The following SGCG variants were observed in gnomAD, a reference collection of about 807,000 sequenced individuals.
The protein encoded by SGCG is gamma-sarcoglycan.
In SGCG, 26 loss-of-function variants were observed where a neutral mutation model predicts 29.3. The ratio of observed to expected loss-of-function variants is 0.89; its 90% CI spans 0.65 to 1.23. The LOEUF (loss-of-function observed/expected upper bound fraction) is 1.23, where lower values mean the gene tolerates loss of function less well. SGCG is among the 50% of genes most tolerant of loss of function. SGCG has a pLI of 0.00. For missense variants in SGCG, 353 were observed against 356.0 expected, an observed-to-expected ratio of 0.99 and a Z score of 0.07; for synonymous variants, 145 against 129.7, an observed-to-expected ratio of 1.12 and a Z score of -0.80.
At chr13:23,317,025 T>G (rs370921464) in intron 6 of SGCG, among the ~76,000 whole-genome samples, 1 of 151,846 alleles carries the variant, frequency 6.6e-6, no homozygotes, top group Non-Finnish European at 1.5e-5. Context: ...GCTAACACAG[T>G]GAAAGCTGTC....
chr13:23,252,833 A>G (rs1880027902), intron 4 of SGCG, among the ~76,000 whole-genome samples: 1 of 152,210 alleles, frequency 6.6e-6, no homozygotes, highest in Non-Finnish European at 1.5e-5. Context: ...CTCATTTCAT[A>G]GATGAAAAAA....
At position 23,274,395 on chromosome 13, in the gene SGCG, C is replaced by CT. The variant is rs869153381; in HGVS notation, c.386-4939dup. Among the ~76,000 whole-genome samples, 690 of 85,248 alleles carry CT rather than the reference C, an allele frequency of 8.1e-3. 10 individuals are homozygous for CT. Among genetic ancestry groups the CT allele is most frequent in the East Asian group, 0.019 (50 of 2,612 alleles). The allele number at this position is 85,248 out of a possible 152,430, so 55.9% of individuals were successfully genotyped here. On this transcript the variant is annotated intron_variant, in intron 4 of 7. Transcript: ENST00000218867. ...GGTGTGTTTTTCTTTCTTTCTTTCTCTTTTTTTTTTTTTTTTTTTTTTTTT... is the reference window on the plus strand; with the variant it reads ...GGTGTGTTTTTCTTTCTTTCTTTCTCTTTTTTTTTTTTTTTTTTTTTTTTTT...
At chr13:23,257,554 G>T (rs983281603) in intron 4 of SGCG, among the ~76,000 whole-genome samples, 1 of 152,142 alleles carries the variant, frequency 6.6e-6, no homozygotes, top group Non-Finnish European at 1.5e-5. Flanking sequence ...AGTTTAATTA[G>T]ATCCCTTTTG....
the SGCG span, among the ~76,000 whole-genome samples, chr13:23,163,160 A>G: frequency 4.6e-4 from 70 of 152,306 alleles, no homozygotes; most frequent in Middle Eastern, 6.8e-3. Context: ...TGTTTTCTAT[A>G]CAGGGATCCC....
chr13:23,235,612 T>G (rs1307549018), intron 3 of SGCG, among the ~76,000 whole-genome samples: 2 of 152,210 alleles, frequency 1.3e-5, no homozygotes, highest in African/African-American at 4.8e-5. Flanking sequence ...ATATGTTCTA[T>G]TTTTACTTAA....
chr13:23,236,270 G>A, intron 3 of SGCG, among the ~76,000 whole-genome samples: 1 of 152,164 alleles, frequency 6.6e-6, no homozygotes, highest in East Asian at 1.9e-4. Flanking sequence ...TTTCCCCAGA[G>A]TTGTGTTGGC....
At chr13:23,198,151 G>A (rs150290536) in intron 1 of SGCG, among the ~76,000 whole-genome samples, 32 of 146,792 alleles carry the variant, frequency 2.2e-4, no homozygotes, top group African/African-American at 8.8e-4. Context: ...TTTCTAAAAG[G>A]TCTGTTTTGT....
At chr13:23,285,139 G>A (rs989148584) in intron 5 of SGCG, among the ~76,000 whole-genome samples, 4 of 152,228 alleles carry the variant, frequency 2.6e-5, no homozygotes, top group Admixed American at 2.6e-4. Flanking sequence ...CAAGCGCTGT[G>A]CTGGGAGATC....
intron 5 of SGCG, among the ~76,000 whole-genome samples, chr13:23,285,192 GCT>G (rs1881449445): frequency 2.6e-5 from 4 of 152,202 alleles, no homozygotes; most frequent in Non-Finnish European, 5.9e-5. Flanking sequence ...ATTTAAGTCT[GCT>G]GAAGCTGCAC....
intron 6 of SGCG, among the ~76,000 whole-genome samples, chr13:23,315,675 C>T (rs1000129446): frequency 4.6e-5 from 7 of 152,122 alleles, no homozygotes; most frequent in Non-Finnish European, 7.4e-5. Flanking sequence ...GAGTAGTGCA[C>T]CTGATTGTGC....
chr13:23,251,479 C>G (rs1879966178), intron 4 of SGCG, among the ~76,000 whole-genome samples: 1 of 152,088 alleles, frequency 6.6e-6, no homozygotes, highest in Non-Finnish European at 1.5e-5. Context: ...GAAGAGCAAA[C>G]CAGCTGGTAA....
chr13:23,305,848 A>G (rs982917165), intron 6 of SGCG, among the ~76,000 whole-genome samples: 2 of 152,192 alleles, frequency 1.3e-5, no homozygotes, highest in Non-Finnish European at 2.9e-5. Context: ...TACTTTGGCC[A>G]TGAAATATCA....
At chr13:23,241,730 A>G (rs1593192237) in intron 3 of SGCG, among the ~76,000 whole-genome samples, 1 of 152,326 alleles carries the variant, frequency 6.6e-6, no homozygotes, top group East Asian at 1.9e-4. Context: ...ACAAAATACT[A>G]GCAAACCAAA....
chr13:23,183,169 GT>G (rs1458615023), intron 1 of SGCG, among the ~76,000 whole-genome samples: 1 of 152,142 alleles, frequency 6.6e-6, no homozygotes, highest in Non-Finnish European at 1.5e-5. Flanking sequence ...GAGTTGCATT[GT>G]AGCAGCTACC....
intron 4 of SGCG, among the ~76,000 whole-genome samples, chr13:23,263,065 G>A (rs893099925): frequency 5.9e-5 from 9 of 151,688 alleles, no homozygotes; most frequent in Admixed American, 1.3e-4. Flanking sequence ...ATCACAAATT[G>A]CAAACCTGAC....
chr13:23,272,565 A>AT (rs1447818752), intron 4 of SGCG, among the ~76,000 whole-genome samples: 1 of 152,042 alleles, frequency 6.6e-6, no homozygotes, highest in East Asian at 1.9e-4. Flanking sequence ...TCTATTTAGA[A>AT]TTTTTTGCAT....
At chr13:23,224,227 C>T (rs1536722) in intron 2 of SGCG, among the ~76,000 whole-genome samples, 90,608 of 151,956 alleles carry the variant, frequency 0.6, 27,597 homozygotes, top group East Asian at 0.86. Context: ...AACCCGAAAA[C>T]CCCAATATTT....
At chr13:23,227,018 C>A (rs1878924759) in intron 2 of SGCG, among the ~76,000 whole-genome samples, 1 of 151,996 alleles carries the variant, frequency 6.6e-6, no homozygotes, top group Admixed American at 6.6e-5. Context: ...GTTTTTCTAC[C>A]TGCTTGTCTT....
intron 4 of SGCG, among the ~76,000 whole-genome samples, chr13:23,251,057 A>G (rs188092505): frequency 2.6e-5 from 4 of 152,340 alleles, no homozygotes; most frequent in Admixed American, 6.5e-5. Flanking sequence ...CACAGAGACC[A>G]GTGGCTGAGA....
Sources: gnomAD v4.1 joint callset for allele counts (sites outside exome capture counted in the v4.1 genomes callset) on GRCh38, gnomAD v4.1.1 for gene constraint, MANE v1.5 for transcripts, NCBI Gene and HGNC (gene_info 2026-07-23, HGNC 2026-07-21) for gene names.